The following PKN2 variants were observed in gnomAD, a reference collection of about 807,000 sequenced individuals.
PKN2 encodes serine/threonine-protein kinase N2.
In PKN2, 38 loss-of-function variants were observed where a neutral mutation model predicts 119.1. The observed-to-expected ratio is 0.32, with a 90% CI of 0.25 to 0.42. The LOEUF is 0.42. Among genes scored for constraint, PKN2 ranks in the 10% least tolerant of loss-of-function variants. The pLI, the probability that PKN2 is intolerant of heterozygous loss-of-function variation, is 1.00. For synonymous variants in PKN2, 390 were observed against 384.9 expected (o/e 1.01, Z -0.15); for missense variants, 850 against 1,165.1 (o/e 0.73, Z 3.94).
chr1:88,705,785 A>G (rs1043198568), intron 1 of PKN2, among the ~76,000 whole-genome samples: 6 of 151,834 alleles, frequency 4.0e-5, no homozygotes, highest in African/African-American at 1.5e-4. Flanking sequence ...GTGTGCGACA[A>G]TTTCTGCTCT....
intron 1 of PKN2, 43 bp downstream of exon 1, chr1:88,684,671 A>T (rs902152530): frequency 2.0e-6 from 3 of 1,465,926 alleles, no homozygotes; most frequent in Admixed American, 2.6e-5. Flanking sequence ...CGGAGGAGAC[A>T]GGGAGAGAGC....
intron 8 of PKN2, among the ~76,000 whole-genome samples, chr1:88,802,263 T>C (rs970264653): frequency 1.3e-5 from 2 of 152,200 alleles, no homozygotes; most frequent in Admixed American, 6.5e-5. Context: ...CTAGGAAAGC[T>C]AGCTTAAGGT....
At chr1:88,827,654 C>CTCCCCTCCCG (rs1451994011) in intron 18 of PKN2, among the ~76,000 whole-genome samples, 8 of 140,638 alleles carry the variant, frequency 5.7e-5, no homozygotes, top group Non-Finnish European at 9.1e-5. Flanking sequence ...CTCTTCTCCC[C>CTCCCCTCCCG]TCCCCTCCCG....
At chr1:88,807,940 TG>T (rs753529584) in intron 15 of PKN2, among the ~76,000 whole-genome samples, 165 bp downstream of exon 15, 1 of 152,206 alleles carries the variant, frequency 6.6e-6, no homozygotes, top group Non-Finnish European at 1.5e-5. Flanking sequence ...TTTTCTTTTT[TG>T]CCCCTTTTTA....
rs544572426 is a variant in PKN2 at position 88,744,953 on chromosome 1, A to G, written c.349+3665A>G. 1.8e-3 allele frequency among the ~76,000 whole-genome samples: 275 copies of G among 152,340 alleles called. 1 individual carries two copies. Among genetic ancestry groups the G allele is most frequent in the African/African-American group, 6.4e-3 (266 of 41,586 alleles). On this transcript the variant is annotated intron_variant, in intron 2 of 21. Transcript: ENST00000370521. ...TTTATTTTCTCATCATGCCCATGAT[A>G]CTCTGAGCTTCTTGTTCATCTTCTA...
chr1:88,703,988 A>C (rs1216440041), intron 1 of PKN2, among the ~76,000 whole-genome samples: 1 of 152,182 alleles, frequency 6.6e-6, no homozygotes, highest in South Asian at 2.1e-4. Context: ...CCTTATTTAA[A>C]GAGATATAAT....
chr1:88,721,730 C>A (rs1667689253), intron 1 of PKN2, among the ~76,000 whole-genome samples: 1 of 152,096 alleles, frequency 6.6e-6, no homozygotes, highest in African/African-American at 2.4e-5. Flanking sequence ...GTCTTTTTTG[C>A]ATAGTAGGCT....
At chr1:88,795,502 A>G (rs13375097) in intron 8 of PKN2, among the ~76,000 whole-genome samples, 10,170 of 152,222 alleles carry the variant, frequency 0.067, 694 homozygotes, top group African/African-American at 0.18. Flanking sequence ...TCACCCTCCC[A>G]TATGTTAAAC....
At chr1:88,793,544 A>AG (rs112215940) in intron 8 of PKN2, among the ~76,000 whole-genome samples, 3,098 of 152,186 alleles carry the variant, frequency 0.02, 69 homozygotes, top group South Asian at 0.07. Context: ...ACTCTCTGAT[A>AG]TTCATTAAGG....
chr1:88,721,987 A>G (rs905000622), intron 1 of PKN2, among the ~76,000 whole-genome samples: 3 of 152,220 alleles, frequency 2.0e-5, no homozygotes, highest in African/African-American at 7.2e-5. Context: ...CCAACTCCAT[A>G]TACATGCAAC....
intron 20 of PKN2, 86 bp from the exon 21 acceptor site, chr1:88,832,971 GACAAAAAAAGACAAAATATA>G: frequency 8.0e-7 from 1 of 1,255,532 alleles, no homozygotes; most frequent in Non-Finnish European, 1.1e-6. Flanking sequence ...GCATGGCTTA[GACAAAAAAAGACAAAATATA>G]TCTAAGTTTT....
intron 6 of PKN2, among the ~76,000 whole-genome samples, chr1:88,774,343 T>C (rs962506964): frequency 3.9e-5 from 6 of 152,128 alleles, no homozygotes; most frequent in African/African-American, 1.4e-4. Flanking sequence ...CCTCCCTAGG[T>C]CAGGAGGTCA....
chr1:88,791,402 A>G (rs981071421), intron 8 of PKN2, among the ~76,000 whole-genome samples: 4 of 151,096 alleles, frequency 2.6e-5, no homozygotes, highest in Admixed American at 2.0e-4. Flanking sequence ...GCACCACTGC[A>G]CTGAGCAACA....
At chr1:88,802,193 G>T (rs1671341287) in intron 8 of PKN2, among the ~76,000 whole-genome samples, 1 of 152,180 alleles carries the variant, frequency 6.6e-6, no homozygotes, top group Non-Finnish European at 1.5e-5. Flanking sequence ...AAATCAAGAT[G>T]AGCTTTGAAG....
At chr1:88,717,054 A>G (rs1273110022) in intron 1 of PKN2, among the ~76,000 whole-genome samples, 3 of 152,082 alleles carry the variant, frequency 2.0e-5, no homozygotes, top group African/African-American at 4.8e-5. Context: ...TCACTTATGA[A>G]GCTTAGTTTG....
At chr1:88,710,968 A>G (rs969383475) in intron 1 of PKN2, among the ~76,000 whole-genome samples, 3 of 152,242 alleles carry the variant, frequency 2.0e-5, no homozygotes, top group Non-Finnish European at 4.4e-5. Flanking sequence ...CTATGCAGCC[A>G]TAAGAAAGAA....
At position 88,805,578 on chromosome 1, in the gene PKN2, T is replaced by C. The variant is rs1446341218; in HGVS notation, c.1583T>C (p.Val528Ala). ...CTAGTAAGAAGAGCTATTCCTACAG[T>C]AAATCATTCTGGCACCTTCAGCCCT... ...GRLVRRAIPT[V>A]NHSGTFSPQA... is the part of the protein sequence containing the mutation. The change falls in exon 11 of 22, where the codon GTA becomes GCA. Residue 528 changes from valine to alanine, a missense_variant. This residue lies in a region of PKN2 where 216 missense variants were observed against 252.8 expected (regional missense o/e 0.85). Coordinates refer to ENST00000370521, the MANE Select transcript of PKN2 (RefSeq NM_006256.4). 6.2e-7 allele frequency: 1 copy of C among 1,614,090 alleles called. No homozygotes were observed. Among genetic ancestry groups the C allele is most frequent in the South Asian group, 1.1e-5 (1 of 91,088 alleles).
chr1:88,719,032 C>A (rs922613740), intron 1 of PKN2, among the ~76,000 whole-genome samples: 1 of 152,202 alleles, frequency 6.6e-6, no homozygotes, highest in Non-Finnish European at 1.5e-5. Flanking sequence ...ATCATTTCCA[C>A]ATCAGAAATT....
At chr1:88,741,313 T>G (rs1668569985) in intron 2 of PKN2, 25 bp downstream of exon 2, 1 of 1,361,586 alleles carries the variant, frequency 7.3e-7, no homozygotes, top group African/African-American at 1.5e-5. Flanking sequence ...TATTTGATGT[T>G]TATATGGTAT....
Sources: gnomAD v4.1 joint callset for allele counts (sites outside exome capture counted in the v4.1 genomes callset) on GRCh38, gnomAD v4.1.1 for gene constraint, gnomAD v4.1.1 regional missense constraint, MANE v1.5 for transcripts, NCBI Gene and HGNC (gene_info 2026-07-23, HGNC 2026-07-21) for gene names.